PDE7B: variants seen among roughly 807,000 people sequenced by gnomAD.
The protein encoded by PDE7B is phosphodiesterase 7B, also known as 3',5'-cyclic-AMP phosphodiesterase 7B.
A neutral mutation model predicts 56.2 loss-of-function variants in PDE7B; 29 were observed. The ratio of observed to expected loss-of-function variants is 0.52; its 90% CI spans 0.38 to 0.70. PDE7B has a LOEUF of 0.70. Among genes scored for constraint, PDE7B ranks in the 30% least tolerant of loss-of-function variants. PDE7B has a pLI of 0.00. For missense variants in PDE7B, 490 were observed against 565.0 expected (o/e 0.87, Z 1.35); for synonymous variants, 197 against 196.9 (o/e 1.00, Z 0.00).
At position 136,038,185 on chromosome 6, in the gene PDE7B, T is replaced by TAGGAGC. The variant is rs1554275338; in HGVS notation, c.83-70544_83-70543insGAGCAG. On this transcript the variant is annotated intron_variant, in intron 2 of 12. Transcript: ENST00000308191. ...TGCCTGGGAAGAATTTCCCCTGTGG[T>TAGGAGC]AGCAGCAGCAGCAGCAGCAGAAGCA... The TAGGAGC allele has an allele frequency of 2.3e-6, 3 of 1,285,642 alleles. No individual in the cohort carries two copies. The South Asian group carries it at 3.7e-5, about 16-fold the overall frequency. 79.6% of individuals were successfully genotyped at this position (1,285,642 alleles called of 1,614,324 possible). A position where few individuals can be genotyped will look rare whatever the true frequency, so the allele number is the denominator to read the frequency against.
intron 8 of PDE7B, among the ~76,000 whole-genome samples, chr6:136,171,128 C>T (rs376770418): frequency 6.6e-6 from 1 of 152,168 alleles, no homozygotes; most frequent in Non-Finnish European, 1.5e-5. Context: ...TAGAACAAAA[C>T]ACAATTGAGT....
chr6:136,118,459 C>T (rs969785741), intron 3 of PDE7B, among the ~76,000 whole-genome samples: 1 of 152,212 alleles, frequency 6.6e-6, no homozygotes, highest in Admixed American at 6.5e-5. Context: ...TTATGGCATA[C>T]AAATTATATC....
At chr6:136,074,133 TG>T (rs1230799752) in intron 2 of PDE7B, among the ~76,000 whole-genome samples, 2 of 151,570 alleles carry the variant, frequency 1.3e-5, no homozygotes, top group Non-Finnish European at 2.9e-5. Context: ...AAGAATTACC[TG>T]AGGTAAAAGA....
intron 3 of PDE7B, among the ~76,000 whole-genome samples, chr6:136,122,145 A>G (rs1014934231): frequency 2.6e-5 from 4 of 151,780 alleles, no homozygotes; most frequent in African/African-American, 4.8e-5. Flanking sequence ...CCAGGCGCCC[A>G]CCACCACGCC....
intron 7 of PDE7B, 78 bp from the exon 8 acceptor site, chr6:136,155,549 T>C (rs1778589211): frequency 8.4e-7 from 1 of 1,195,924 alleles, no homozygotes. Flanking sequence ...TGATTCATTG[T>C]GTTTGATTTA....
chr6:136,142,130 G>A (rs1457241938), intron 3 of PDE7B, among the ~76,000 whole-genome samples: 1 of 152,120 alleles, frequency 6.6e-6, no homozygotes, highest in African/African-American at 2.4e-5. Flanking sequence ...CTTTGACTGT[G>A]TCCCAGAGAT....
chr6:136,081,161 T>C (rs1777201834), intron 2 of PDE7B, among the ~76,000 whole-genome samples: 1 of 152,092 alleles, frequency 6.6e-6, no homozygotes, highest in East Asian at 1.9e-4. Context: ...TAACATGGAA[T>C]GATGGGAGAG....
chr6:136,067,593 G>A (rs1372069350), intron 2 of PDE7B, among the ~76,000 whole-genome samples: 1 of 152,172 alleles, frequency 6.6e-6, no homozygotes, highest in Non-Finnish European at 1.5e-5. Context: ...GAATTAAAGT[G>A]TTTGACTTCT....
intron 2 of PDE7B, among the ~76,000 whole-genome samples, chr6:136,050,412 T>TAA (rs55900919): frequency 0.031 from 4,631 of 148,166 alleles, 196 homozygotes; most frequent in African/African-American, 0.1. Flanking sequence ...ACCAGAAAAT[T>TAA]AAAAAAAAAA....
At chr6:136,177,445 C>A (rs891995582) in intron 9 of PDE7B, among the ~76,000 whole-genome samples, 3 of 151,932 alleles carry the variant, frequency 2.0e-5, no homozygotes, top group Non-Finnish European at 2.9e-5. Context: ...TGCAAAGAAC[C>A]TCAGAAACAA....
intron 8 of PDE7B, among the ~76,000 whole-genome samples, chr6:136,168,664 C>T (rs997061393): frequency 4.6e-5 from 7 of 152,002 alleles, no homozygotes; most frequent in Admixed American, 2.6e-4. Flanking sequence ...TGATTGGGCA[C>T]AAGTGACACT....
At position 135,966,054 on chromosome 6, in the gene PDE7B, A is replaced by G. The variant is rs568738277; in HGVS notation, c.82+18530A>G. Among the ~76,000 whole-genome samples the G allele has an allele frequency of 5.3e-5, 8 of 152,338 alleles. No homozygotes were observed. In the East Asian group the frequency reaches 1.5e-3, roughly 29 times the overall value. The stretch of plus-strand genomic sequence containing the variant: ...AGGATATGTTTAGGGTAATAACAAT[A>G]AAGAGATTTAAAGCCATATGTTATA... On this transcript the variant is annotated intron_variant, in intron 2 of 12. Coordinates refer to ENST00000308191, the MANE Select transcript of PDE7B (RefSeq NM_018945.4).
At chr6:136,147,643 G>C (rs965200315) in intron 4 of PDE7B, 141 bp downstream of exon 4, 1 of 593,868 alleles carries the variant, frequency 1.7e-6, no homozygotes, top group Non-Finnish European at 3.0e-6. Context: ...ATCTGGACTT[G>C]TTCCTCTAAT....
intron 1 of PDE7B, among the ~76,000 whole-genome samples, chr6:135,889,934 G>A (rs1188934294): frequency 1.3e-5 from 2 of 149,098 alleles, no homozygotes; most frequent in Non-Finnish European, 3.0e-5. Flanking sequence ...TGTATTTTTA[G>A]TAGAGACGGG....
At chr6:135,999,477 C>T (rs566880768) in intron 2 of PDE7B, among the ~76,000 whole-genome samples, 1 of 152,014 alleles carries the variant, frequency 6.6e-6, no homozygotes, top group East Asian at 1.9e-4. Context: ...TTCATGAGTT[C>T]TATTTACCTC....
At chr6:136,058,366 C>A (rs776941789) in intron 2 of PDE7B, among the ~76,000 whole-genome samples, 4 of 152,184 alleles carry the variant, frequency 2.6e-5, no homozygotes, top group Non-Finnish European at 5.9e-5. Flanking sequence ...TGCTCACCCA[C>A]AAATGTCCAA....
intron 3 of PDE7B, among the ~76,000 whole-genome samples, chr6:136,113,905 G>T (rs1052872027): frequency 1.3e-5 from 2 of 152,164 alleles, no homozygotes; most frequent in Non-Finnish European, 2.9e-5. Flanking sequence ...AGATGTTCCC[G>T]TGGCAACCAT....
rs900781872 is a variant in PDE7B at position 136,084,624 on chromosome 6, T to C, written c.83-24107T>C. On this transcript the variant is annotated intron_variant, in intron 2 of 12. Coordinates refer to ENST00000308191, the MANE Select transcript of PDE7B (RefSeq NM_018945.4). ...TCAATTATGGCTTAGCTAATACAGG[T>C]AGTTGTGAAACATTTTGTAAGTATA... is the stretch of plus-strand genomic sequence containing the variant. Among the ~76,000 whole-genome samples, 20 of 152,310 alleles carry C rather than the reference T, an allele frequency of 1.3e-4. 1 individual carries two copies. The highest frequency in any genetic ancestry group is 1.2e-3 in the Admixed American group (19 of 15,296).
intron 2 of PDE7B, among the ~76,000 whole-genome samples, chr6:136,088,548 T>A (rs529167723): frequency 1.3e-5 from 2 of 152,022 alleles, no homozygotes; most frequent in Non-Finnish European, 2.9e-5. Context: ...CAGAATAGGA[T>A]TAGAAGTCAA....
Sources: allele counts gnomAD v4.1 joint callset (sites outside exome capture counted in the v4.1 genomes callset), GRCh38; gene constraint gnomAD v4.1.1; transcripts MANE v1.5; gene names NCBI Gene and HGNC (gene_info 2026-07-23, HGNC 2026-07-21).